The following RALGAPA1 variants were observed in gnomAD, a reference collection of about 807,000 sequenced individuals.
The protein encoded by RALGAPA1 is ral GTPase-activating protein subunit alpha-1.
In RALGAPA1, 52 loss-of-function variants were observed where a neutral mutation model predicts 269.6. The observed-to-expected ratio is 0.19, with a 90% CI of 0.15 to 0.24. The LOEUF is 0.24. Ranked by LOEUF, RALGAPA1 falls within the 10% of genes least tolerant of loss-of-function variation. The pLI, the probability that RALGAPA1 is intolerant of heterozygous loss-of-function variation, is 1.00. For synonymous variants in RALGAPA1, 817 were observed against 1,008.3 expected (o/e 0.81, Z 3.60); for missense variants, 1,917 against 3,013.9 (o/e 0.64, Z 8.52).
intron 28 of RALGAPA1, 57 bp from the exon 29 acceptor site, chr14:35,655,972 G>A: frequency 6.2e-7 from 1 of 1,607,936 alleles, no homozygotes; most frequent in Non-Finnish European, 8.5e-7. Context: ...CCACAAACAT[G>A]ACCCACAATC....
At chr14:35,540,432 G>A (rs2053865521) in intron 41 of RALGAPA1, among the ~76,000 whole-genome samples, 1 of 152,188 alleles carries the variant, frequency 6.6e-6, no homozygotes, top group African/African-American at 2.4e-5. Context: ...CAGGTAACCA[G>A]TAGAATTAGT....
At chr14:35,650,054 C>A (rs531893415) in intron 31 of RALGAPA1, among the ~76,000 whole-genome samples, 2 of 152,038 alleles carry the variant, frequency 1.3e-5, no homozygotes, top group Non-Finnish European at 2.9e-5. Flanking sequence ...CCATAGCCTG[C>A]GACACTAAAG....
At position 35,689,915 on chromosome 14, in the gene RALGAPA1, A is replaced by G. The variant is rs2066334405; in HGVS notation, c.2496T>C (p.Ala832=). 1 of 1,602,144 alleles carries G rather than the reference A, an allele frequency of 6.2e-7. No individual in the cohort carries two copies. Residue 832 remains alanine, a synonymous_variant, in exon 18 of 42, where the codon GCT becomes GCC. Coordinates refer to ENST00000680220, the MANE Select transcript of RALGAPA1 (RefSeq NM_001346249.2). The part of the protein sequence containing the change: ...SEETGNEVFG[A]LNEEQPLPRS... ...GAGGCAATGGCTGCTCCTCATTCAAAGCACCAAAAACTTCATTTCCAGTTT... is the reference window on the plus strand; with the variant it reads ...GAGGCAATGGCTGCTCCTCATTCAAGGCACCAAAAACTTCATTTCCAGTTT...
chr14:35,617,613 C>T (rs1480160130), intron 35 of RALGAPA1, among the ~76,000 whole-genome samples: 1 of 96,184 alleles, frequency 1.0e-5, no homozygotes, highest in African/African-American at 4.4e-5. Context: ...AGCAAAACTC[C>T]ATCCTGTGTG....
Position 35,738,296 on chromosome 14 carries a change from A to G in RALGAPA1, c.1587+217T>C, listed in dbSNP as rs148901287. Reference sequence around the variant, plus strand: ...AATCAGTTGCAGATGACAGTACACCATAACATAATTTATATAACATTTAAA... The same window carrying G: ...AATCAGTTGCAGATGACAGTACACCGTAACATAATTTATATAACATTTAAA... On this transcript the variant is annotated intron_variant, in intron 12 of 41. Coordinates refer to ENST00000680220, the MANE Select transcript of RALGAPA1 (RefSeq NM_001346249.2). 6.4e-3 allele frequency among the ~76,000 whole-genome samples: 973 copies of G among 152,078 alleles called. 5 individuals are homozygous for G. Among genetic ancestry groups the G allele is most frequent in the Non-Finnish European group, 0.011 (739 of 68,008 alleles).
At chr14:35,772,898 T>G (rs1057135506) in intron 3 of RALGAPA1, among the ~76,000 whole-genome samples, 3 of 152,204 alleles carry the variant, frequency 2.0e-5, no homozygotes, top group African/African-American at 7.2e-5. Context: ...TGATATCATC[T>G]TCTTTAGTAA....
chr14:35,595,463 A>G (rs2058877163), intron 37 of RALGAPA1, among the ~76,000 whole-genome samples, 171 bp downstream of exon 37: 1 of 152,084 alleles, frequency 6.6e-6, no homozygotes, highest in Non-Finnish European at 1.5e-5. Flanking sequence ...TGTTTCTTAA[A>G]GAAAACATAG....
At chr14:35,661,595 C>A (rs1475794742) in intron 27 of RALGAPA1, among the ~76,000 whole-genome samples, 2 of 152,006 alleles carry the variant, frequency 1.3e-5, no homozygotes, top group African/African-American at 4.8e-5. Flanking sequence ...AACAAGAATG[C>A]CATTAGATTT....
chr14:35,629,753 C>T (rs2061231432), intron 33 of RALGAPA1, among the ~76,000 whole-genome samples: 1 of 152,160 alleles, frequency 6.6e-6, no homozygotes, highest in African/African-American at 2.4e-5. Context: ...CCCACCTAGG[C>T]CTCCCAAAGG....
At chr14:35,539,732 C>G (rs1355246876) in intron 41 of RALGAPA1, 42 bp from the exon 42 acceptor site, 1 of 1,603,792 alleles carries the variant, frequency 6.2e-7, no homozygotes, top group Non-Finnish European at 8.5e-7. Context: ...TATCCAGCCT[C>G]TCATCCCCTG....
intron 28 of RALGAPA1, among the ~76,000 whole-genome samples, chr14:35,656,505 AAG>A (rs1262848821): frequency 6.6e-6 from 1 of 152,142 alleles, no homozygotes; most frequent in African/African-American, 2.4e-5. Flanking sequence ...TGTCAGCTTG[AAG>A]AGAGTTATTT....
intron 21 of RALGAPA1, among the ~76,000 whole-genome samples, chr14:35,679,957 A>C (rs1307176397): frequency 6.6e-6 from 1 of 152,138 alleles, no homozygotes. Context: ...TTTGGAGTAA[A>C]TTCATATGGC....
chr14:35,557,308 A>T (rs2055718885), intron 39 of RALGAPA1, among the ~76,000 whole-genome samples: 1 of 151,936 alleles, frequency 6.6e-6, no homozygotes, highest in African/African-American at 2.4e-5. Flanking sequence ...AAGAAAAAAA[A>T]AAAAAACCCA....
At chr14:35,661,349 TA>T (rs2063527827) in intron 27 of RALGAPA1, among the ~76,000 whole-genome samples, 1 of 152,108 alleles carries the variant, frequency 6.6e-6, no homozygotes, top group South Asian at 2.1e-4. Context: ...AAATATTAGT[TA>T]AAATTATGTA....
At chr14:35,783,455 A>G (rs1348894610) in intron 1 of RALGAPA1, among the ~76,000 whole-genome samples, 1 of 152,188 alleles carries the variant, frequency 6.6e-6, no homozygotes, top group African/African-American at 2.4e-5. Flanking sequence ...AAAACCAAAA[A>G]CCTAAATGTA....
intron 9 of RALGAPA1, 106 bp downstream of exon 9, chr14:35,750,376 A>G: frequency 3.4e-6 from 2 of 591,684 alleles, no homozygotes; most frequent in South Asian, 3.0e-5. Context: ...CAAATAAAAT[A>G]GCACTATTAT....
chr14:35,695,561 C>T (rs2066836461), intron 17 of RALGAPA1, among the ~76,000 whole-genome samples: 2 of 152,100 alleles, frequency 1.3e-5, no homozygotes, highest in Non-Finnish European at 2.9e-5. Flanking sequence ...CTAGATAGAC[C>T]AGAGTCCAAT....
chr14:35,673,087 C>G, intron 24 of RALGAPA1, 65 bp from the exon 25 acceptor site: 1 of 1,318,158 alleles, frequency 7.6e-7, no homozygotes, highest in Non-Finnish European at 9.9e-7. Context: ...ACTTAAGCAA[C>G]TGAATATAGC....
At chr14:35,699,480 T>C (rs1313920265) in intron 17 of RALGAPA1, among the ~76,000 whole-genome samples, 1 of 152,158 alleles carries the variant, frequency 6.6e-6, no homozygotes, top group Non-Finnish European at 1.5e-5. Flanking sequence ...TAATTAAAGC[T>C]TAATAGAAGA....
Sources: gnomAD v4.1 joint callset for allele counts (sites outside exome capture counted in the v4.1 genomes callset) on GRCh38, gnomAD v4.1.1 for gene constraint, MANE v1.5 for transcripts, NCBI Gene and HGNC (gene_info 2026-07-23, HGNC 2026-07-21) for gene names.